The following DTX4 variants were observed in gnomAD, a reference collection of about 807,000 sequenced individuals.
DTX4 encodes E3 ubiquitin-protein ligase DTX4.
Under a neutral mutation model 57.6 loss-of-function variants are expected in DTX4, and 28 were observed. The observed-to-expected ratio is 0.49, with a 90% confidence interval of 0.36 to 0.67. The LOEUF (loss-of-function observed/expected upper bound fraction) is 0.67, where lower values mean the gene tolerates loss of function less well. Ranked by LOEUF, DTX4 falls within the 30% of genes least tolerant of loss-of-function variation. The pLI is 0.00. For synonymous variants in DTX4, 316 were observed against 331.0 expected, an observed-to-expected ratio of 0.95 and a Z score of 0.49; for missense variants, 715 against 836.8, an observed-to-expected ratio of 0.85 and a Z score of 1.80.
chr11:59,193,012 G>A (rs747596340), intron 6 of DTX4, among the ~76,000 whole-genome samples: 1 of 152,176 alleles, frequency 6.6e-6, no homozygotes, highest in Non-Finnish European at 1.5e-5. Flanking sequence ...ATTTCCATGA[G>A]TACTTATTTC....
At position 59,206,309 on chromosome 11, in the gene DTX4, G is replaced by C. The variant is rs1353083675; in HGVS notation, c.*1400G>C. 2 of 152,456 alleles carry C rather than the reference G, an allele frequency of 1.3e-5. No individual in the cohort carries two copies. The highest frequency in any genetic ancestry group is 2.9e-5 in the Non-Finnish European group (2 of 68,026). 9.4% of individuals were successfully genotyped at this position (152,456 alleles called of 1,614,324 possible). Reference sequence around the variant, plus strand: ...CAATCTGCATCTTGTTGTGTCCCAAGACCCTATCTCCTCCCCAACATTCTT... The same window carrying C: ...CAATCTGCATCTTGTTGTGTCCCAACACCCTATCTCCTCCCCAACATTCTT... On this transcript the variant is annotated 3_prime_UTR_variant, in exon 9 of 9. Transcript: ENST00000227451.
chr11:59,186,753 A>G (rs1205845835), intron 2 of DTX4, among the ~76,000 whole-genome samples: 3 of 152,204 alleles, frequency 2.0e-5, no homozygotes, highest in Non-Finnish European at 4.4e-5. Flanking sequence ...CCCATCCACC[A>G]TACCATGCCT....
intron 6 of DTX4, among the ~76,000 whole-genome samples, chr11:59,193,185 T>C (rs1862621391): frequency 6.6e-6 from 1 of 152,218 alleles, no homozygotes; most frequent in Non-Finnish European, 1.5e-5. Context: ...AGACCTGAGC[T>C]TGAATCCTGG....
chr11:59,189,151 GC>G lies in DTX4; in HGVS notation c.998-7del. The G allele has an allele frequency of 6.2e-7, 1 of 1,612,816 alleles. No homozygotes were observed. The highest frequency in any genetic ancestry group is 8.5e-7 in the Non-Finnish European group (1 of 1,179,756). ...TCCAGTCTTTCCTCACCCATGCCCT[GC>G]CCCTTCCAGGAATCACTGGGATCCT... On this transcript the variant is annotated splice_polypyrimidine_tract_variant and intron_variant, in intron 3 of 8. Transcript: ENST00000227451.
At chr11:59,193,565 C>T (rs1323911605) in intron 6 of DTX4, among the ~76,000 whole-genome samples, 1 of 152,126 alleles carries the variant, frequency 6.6e-6, no homozygotes, top group Non-Finnish European at 1.5e-5. Context: ...CATTTGTTCC[C>T]TATTTGATGT....
intron 4 of DTX4, 83 bp from the exon 5 acceptor site, chr11:59,191,031 C>T: frequency 7.6e-7 from 1 of 1,313,690 alleles, no homozygotes; most frequent in South Asian, 1.3e-5. Context: ...TGATAACGTC[C>T]CCCTCTACCA....
At chr11:59,187,153 C>T (rs189557244) in intron 2 of DTX4, among the ~76,000 whole-genome samples, 5 of 152,182 alleles carry the variant, frequency 3.3e-5, no homozygotes, top group East Asian at 1.9e-4. Flanking sequence ...TTATTCATTA[C>T]GCTCTCTGAG....
intron 1 of DTX4, among the ~76,000 whole-genome samples, chr11:59,173,609 C>G (rs1028129464): frequency 6.6e-6 from 1 of 152,204 alleles, no homozygotes; most frequent in African/African-American, 2.4e-5. Flanking sequence ...TGTCCCCAGG[C>G]TTCCTCTTGA....
chr11:59,179,748 T>C (rs1055987215), intron 1 of DTX4, among the ~76,000 whole-genome samples: 1 of 152,232 alleles, frequency 6.6e-6, no homozygotes, highest in Non-Finnish European at 1.5e-5. Flanking sequence ...GAGTCATCTC[T>C]TGCCATCTCC....
intron 2 of DTX4, among the ~76,000 whole-genome samples, chr11:59,183,248 A>T (rs1303431697): frequency 1.3e-5 from 2 of 152,028 alleles, no homozygotes; most frequent in Admixed American, 6.5e-5. Context: ...GCAAAATGAG[A>T]GTTTCTTTCC....
intron 7 of DTX4, among the ~76,000 whole-genome samples, chr11:59,198,311 G>A (rs554215410): frequency 1.5e-4 from 23 of 152,210 alleles, no homozygotes; most frequent in Non-Finnish European, 2.2e-4. Context: ...AGTCAGAGCC[G>A]TGGTTAGAAC....
rs1407818416 is a variant in DTX4, at chr11:59,204,948, T to C, written c.*39T>C. 1 of 1,521,574 alleles carries C rather than the reference T, an allele frequency of 6.6e-7. No homozygotes were observed. The highest frequency in any genetic ancestry group is 8.9e-7 in the Non-Finnish European group (1 of 1,119,396). The allele number at this position is 1,521,574 out of a possible 1,614,324, so 94.3% of individuals were successfully genotyped here. A position where few individuals can be genotyped will look rare whatever the true frequency, so the allele number is the denominator to read the frequency against. ...TTGAGGTGGGAGGGGCCATGGAGAC[T>C]GCAGGACAGGAAGTGAGGAGAGTGA... On this transcript the variant is annotated 3_prime_UTR_variant, in exon 9 of 9. Coordinates refer to ENST00000227451, the MANE Select transcript of DTX4 (RefSeq NM_015177.2).
In DTX4 at chr11:59,189,148, C is replaced by T. The variant is rs1472781675; in HGVS notation, c.998-14C>T. ...GTCTCCAGTCTTTCCTCACCCATGC[C>T]CTGCCCCTTCCAGGAATCACTGGGA... On this transcript the variant is annotated splice_polypyrimidine_tract_variant and intron_variant, in intron 3 of 8. Transcript: ENST00000227451. 1.9e-6 allele frequency: 3 copies of T among 1,612,692 alleles called. No homozygotes were observed. The highest frequency in any genetic ancestry group is 2.5e-6 in the Non-Finnish European group (3 of 1,179,746).
At chr11:59,198,318 G>A (rs1862699731) in intron 7 of DTX4, among the ~76,000 whole-genome samples, 1 of 152,198 alleles carries the variant, frequency 6.6e-6, no homozygotes, top group South Asian at 2.1e-4. Flanking sequence ...GCCGTGGTTA[G>A]AACTGGCCTT....
intron 2 of DTX4, among the ~76,000 whole-genome samples, chr11:59,184,698 T>C (rs1325566661): frequency 6.6e-6 from 1 of 152,208 alleles, no homozygotes; most frequent in Non-Finnish European, 1.5e-5. Flanking sequence ...TGCCCGCTCA[T>C]AGAATTGGGG....
chr11:59,196,326 A>T (rs1011770843), intron 7 of DTX4, among the ~76,000 whole-genome samples: 1 of 152,250 alleles, frequency 6.6e-6, no homozygotes, highest in Admixed American at 6.5e-5. Context: ...GTACCTCCAG[A>T]TAGTGATCAT....
At chr11:59,179,406 C>T (rs1489565511) in intron 1 of DTX4, among the ~76,000 whole-genome samples, 1 of 152,212 alleles carries the variant, frequency 6.6e-6, no homozygotes, top group East Asian at 1.9e-4. Flanking sequence ...ACTTCTGTTC[C>T]TGTTTTTGTA....
At chr11:59,185,724 G>A (rs1044267919) in intron 2 of DTX4, among the ~76,000 whole-genome samples, 2 of 152,120 alleles carry the variant, frequency 1.3e-5, no homozygotes, top group Non-Finnish European at 2.9e-5. Context: ...CCATGACCTC[G>A]AGAATCAGAA....
At chr11:59,203,834 C>T (rs1329524162) in intron 8 of DTX4, among the ~76,000 whole-genome samples, 1 of 152,132 alleles carries the variant, frequency 6.6e-6, no homozygotes, top group African/African-American at 2.4e-5. Context: ...TCCCAATGCC[C>T]AACACTGAGA....
Sources: allele counts gnomAD v4.1 joint callset (sites outside exome capture counted in the v4.1 genomes callset), GRCh38; gene constraint gnomAD v4.1.1; transcripts MANE v1.5; gene names NCBI Gene and HGNC (gene_info 2026-07-23, HGNC 2026-07-21).